POLK: variants seen among roughly 807,000 people sequenced by gnomAD.
POLK encodes the protein DNA polymerase kappa.
A neutral mutation model predicts 94.0 loss-of-function variants in POLK; 76 were observed. The observed-to-expected ratio is 0.81, with a 90% CI of 0.67 to 0.98. POLK has a LOEUF of 0.98. Among genes scored for constraint, POLK ranks in the 50% least tolerant of loss-of-function variants. The pLI, the probability that POLK is intolerant of heterozygous loss-of-function variation, is 0.00. For synonymous variants in POLK, 349 were observed against 325.4 expected (o/e 1.07, Z -0.78); for missense variants, 954 against 1,010.1 (o/e 0.94, Z 0.75).
At chr5:75,594,793 A>G (rs5744707) in intron 12 of POLK, among the ~76,000 whole-genome samples, 12,599 of 152,302 alleles carry the variant, frequency 0.083, 605 homozygotes, top group South Asian at 0.14. Flanking sequence ...CAGCCACTAC[A>G]TGGTAAAAAG....
intron 1 of POLK, 138 bp downstream of exon 1, chr5:75,512,052 G>A (rs1348309146): frequency 2.5e-6 from 1 of 398,540 alleles, no homozygotes; most frequent in Non-Finnish European, 4.5e-6. Flanking sequence ...AACCCTCCGG[G>A]CTTGCGGGCC....
intron 1 of POLK, among the ~76,000 whole-genome samples, chr5:75,538,260 C>T (rs964503008): frequency 1.3e-5 from 2 of 152,152 alleles, no homozygotes; most frequent in African/African-American, 4.8e-5. Context: ...ATACCATGTG[C>T]ACATTTTTTA....
At chr5:75,523,958 C>T (rs1192717528) in intron 1 of POLK, among the ~76,000 whole-genome samples, 1 of 151,826 alleles carries the variant, frequency 6.6e-6, no homozygotes, top group African/African-American at 2.4e-5. Context: ...GGTGAAACCT[C>T]GTCTCTACTA....
Position 75,523,442 on chromosome 5 carries a change from T to C in POLK, c.-14+11528T>C, listed in dbSNP as rs528859047. Among the ~76,000 whole-genome samples, 4 of 152,332 alleles carry C rather than the reference T, an allele frequency of 2.6e-5. No individual in the cohort carries two copies. In the South Asian group the frequency reaches 6.2e-4, roughly 24 times the overall value. ...TAAAGTCAAGGGGATCAATGACTAA[T>C]ATGCAGTAATATTTACCTTAGCCCT... On this transcript the variant is annotated intron_variant, in intron 1 of 14. Transcript: ENST00000241436.
At chr5:75,593,214 C>T (rs1413489615) in intron 11 of POLK, among the ~76,000 whole-genome samples, 1 of 150,218 alleles carries the variant, frequency 6.7e-6, no homozygotes, top group Non-Finnish European at 1.5e-5. Context: ...TCAATGCAAC[C>T]TCCATCTCCT....
At chr5:75,573,938 A>G (rs976257727) in intron 5 of POLK, 69 bp downstream of exon 5, 5 of 1,515,040 alleles carry the variant, frequency 3.3e-6, no homozygotes, top group Admixed American at 3.4e-5. Flanking sequence ...TCTCAAGTCC[A>G]AGTGCCTTAG....
chr5:75,594,127 GC>G, intron 12 of POLK, 78 bp downstream of exon 12: 2 of 1,047,580 alleles, frequency 1.9e-6, no homozygotes, highest in Non-Finnish European at 2.8e-6. Flanking sequence ...AATACAGGGG[GC>G]CCCCAACTTA....
At chr5:75,546,113 A>G (rs5744586) in intron 1 of POLK, among the ~76,000 whole-genome samples, 1,872 of 151,952 alleles carry the variant, frequency 0.012, 37 homozygotes, top group African/African-American at 0.043. Flanking sequence ...ATAATTTTTG[A>G]CTCCTGAAGA....
At chr5:75,587,661 C>G (rs10038945) in intron 10 of POLK, among the ~76,000 whole-genome samples, 1 of 152,022 alleles carries the variant, frequency 6.6e-6, no homozygotes, top group Admixed American at 6.6e-5. Context: ...TGGCTCACCC[C>G]TGTAATCCCA....
At position 75,584,481 on chromosome 5, in the gene POLK, C is replaced by A. The variant is rs542202052; in HGVS notation, c.1060-279C>A. Reference sequence around the variant, plus strand: ...GTCAGGAGTTCAAGACCAGCCTGACCAATAAGAAGAAACCCCATCTCTACT... The same window carrying A: ...GTCAGGAGTTCAAGACCAGCCTGACAAATAAGAAGAAACCCCATCTCTACT... On this transcript the variant is annotated intron_variant, in intron 8 of 14. Transcript: ENST00000241436. 3.3e-5 allele frequency among the ~76,000 whole-genome samples: 5 copies of A among 152,014 alleles called. No homozygotes were observed. In the East Asian group the frequency reaches 9.7e-4, roughly 29 times the overall value.
At chr5:75,572,538 A>G (rs1771648193) in intron 4 of POLK, among the ~76,000 whole-genome samples, 1 of 152,178 alleles carries the variant, frequency 6.6e-6, no homozygotes, top group Non-Finnish European at 1.5e-5. Context: ...ACAACTTACC[A>G]TACTATTACT....
intron 12 of POLK, among the ~76,000 whole-genome samples, chr5:75,594,610 C>T (rs901295023): frequency 3.9e-5 from 6 of 152,190 alleles, no homozygotes; most frequent in Admixed American, 1.3e-4. Flanking sequence ...TCTGGGGCAA[C>T]ACCCCCTGTT....
chr5:75,531,270 A>G lies in POLK; in HGVS notation c.-13-15740A>G, dbSNP rs549096809. Reference sequence around the variant, plus strand: ...CATCATTCAAATGAAAACAATATATATAGTATATTGTTTATATACTATGTA... The same window carrying G: ...CATCATTCAAATGAAAACAATATATGTAGTATATTGTTTATATACTATGTA... On this transcript the variant is annotated intron_variant, in intron 1 of 14. Transcript: ENST00000241436. Among the ~76,000 whole-genome samples the G allele has an allele frequency of 6.7e-5, 10 of 150,244 alleles. No individual in the cohort carries two copies. The South Asian group carries it at 2.1e-3, about 31-fold the overall frequency.
At chr5:75,586,363 T>C (rs1772471186) in intron 9 of POLK, among the ~76,000 whole-genome samples, 1 of 152,232 alleles carries the variant, frequency 6.6e-6, no homozygotes, top group Non-Finnish European at 1.5e-5. Context: ...GGGCAAGTAC[T>C]TGGTCTATTT....
chr5:75,574,652 T>C (rs2112788227), intron 5 of POLK, among the ~76,000 whole-genome samples: 1 of 152,320 alleles, frequency 6.6e-6, no homozygotes, highest in Non-Finnish European at 1.5e-5. Context: ...GGTCTTTAAA[T>C]TCACCCCTCT....
At chr5:75,547,266 A>G (rs1161201151) in intron 2 of POLK, 109 bp downstream of exon 2, 2 of 375,340 alleles carry the variant, frequency 5.3e-6, no homozygotes, top group Non-Finnish European at 8.8e-6. Flanking sequence ...ATATTTTAAT[A>G]TATATTATTT....
At chr5:75,596,723 C>T in exon 13 of POLK, 11 of 1,613,680 alleles carry the variant, frequency 6.8e-6, no homozygotes, top group Non-Finnish European at 9.3e-6. Flanking sequence ...AATGTTCCTG[C>T]TTCTTCACTT....
chr5:75,523,458 C>T (rs948886851), intron 1 of POLK, among the ~76,000 whole-genome samples: 7 of 152,134 alleles, frequency 4.6e-5, no homozygotes, highest in Non-Finnish European at 2.9e-5. Flanking sequence ...GTAATATTTA[C>T]CTTAGCCCTC....
intron 11 of POLK, among the ~76,000 whole-genome samples, chr5:75,590,992 C>T (rs1217285551): frequency 6.6e-6 from 1 of 152,096 alleles, no homozygotes; most frequent in East Asian, 1.9e-4. Context: ...ACTCTCAAAC[C>T]AGAGGTAGAG....
Sources: allele counts gnomAD v4.1 joint callset (sites outside exome capture counted in the v4.1 genomes callset), GRCh38; gene constraint gnomAD v4.1.1; transcripts MANE v1.5; gene names NCBI Gene and HGNC (gene_info 2026-07-23, HGNC 2026-07-21).